GRIA4: variants seen among roughly 807,000 people sequenced by gnomAD.
GRIA4 encodes glutamate receptor 4.
A neutral mutation model predicts 104.0 loss-of-function variants in GRIA4; 34 were observed. The ratio of observed to expected loss-of-function variants is 0.33; its 90% confidence interval spans 0.25 to 0.44. The LOEUF is 0.44. Ranked by LOEUF, GRIA4 falls within the 20% of genes least tolerant of loss-of-function variation. GRIA4 has a pLI of 1.00. For synonymous variants in GRIA4, 386 were observed against 381.9 expected (o/e 1.01, Z -0.13); for missense variants, 750 against 1,096.5 (o/e 0.68, Z 4.46).
At chr11:105,903,108 A>T (rs1306746505) in intron 7 of GRIA4, among the ~76,000 whole-genome samples, 2 of 152,176 alleles carry the variant, frequency 1.3e-5, no homozygotes, top group African/African-American at 4.8e-5. Flanking sequence ...TACCCTTCAC[A>T]TCTCCACTTG....
At chr11:105,683,941 C>T (rs958629309) in intron 3 of GRIA4, among the ~76,000 whole-genome samples, 1 of 151,930 alleles carries the variant, frequency 6.6e-6, no homozygotes, top group Admixed American at 6.6e-5. Context: ...ATGGCGCCAT[C>T]TCGGCTCACT....
chr11:105,957,681 A>G (rs1367090541), intron 14 of GRIA4, among the ~76,000 whole-genome samples: 8 of 152,204 alleles, frequency 5.3e-5, no homozygotes, highest in Non-Finnish European at 1.2e-4. Flanking sequence ...GATGGCATTG[A>G]ATCTATAAAT....
intron 3 of GRIA4, among the ~76,000 whole-genome samples, chr11:105,741,646 T>C (rs371503904): frequency 1.4e-3 from 217 of 152,246 alleles, no homozygotes; most frequent in African/African-American, 4.7e-3. Context: ...AATTATTCCC[T>C]TTGGTCACCA....
intron 3 of GRIA4, among the ~76,000 whole-genome samples, chr11:105,672,852 T>G (rs551332502): frequency 2.8e-4 from 43 of 152,280 alleles, no homozygotes; most frequent in African/African-American, 1.0e-3. Context: ...TTTACCAATC[T>G]AAAATTACAG....
rs575588991 is a variant in GRIA4, at chr11:105,886,701, T to C, written c.673-818T>C. 3.7e-4 allele frequency among the ~76,000 whole-genome samples: 57 copies of C among 152,312 alleles called. No individual in the cohort carries two copies. The South Asian group carries it at 8.1e-3, about 22-fold the overall frequency. The stretch of plus-strand genomic sequence containing the variant: ...AAAATTGTGGCTTTCACTGTTATCA[T>C]TGACGACACCAGTGAAGTTACAAAG... On this transcript the variant is annotated intron_variant, in intron 5 of 16. Coordinates refer to ENST00000282499, the MANE Select transcript of GRIA4 (RefSeq NM_000829.4).
intron 3 of GRIA4, among the ~76,000 whole-genome samples, chr11:105,747,989 C>A (rs1162611709): frequency 6.6e-6 from 1 of 152,128 alleles, no homozygotes; most frequent in Admixed American, 6.5e-5. Context: ...TGTGGGTAGG[C>A]ACACTCCTTA....
Position 105,898,373 on chromosome 11 carries a change from T to A in GRIA4, c.831T>A (p.Asp277Glu), listed in dbSNP as rs779194677. Residue 277 changes from aspartate to glutamate, a missense_variant, in exon 7 of 17, where the codon GAT becomes GAA. Asp to Glu is a conservative substitution (Grantham distance 45). This residue lies in a region of GRIA4 where 410 missense variants were observed against 502.7 expected (regional missense o/e 0.82). Coordinates refer to ENST00000282499, the MANE Select transcript of GRIA4 (RefSeq NM_000829.4). ...CACCTATGGTAATCAAACTAATGGA[T>A]CGCTGGAAGAAACTAGATCAGAGAG... ...FNTPMVIKLM[D>E]RWKKLDQREY... 14 of 1,595,100 alleles carry A rather than the reference T, an allele frequency of 8.8e-6. No homozygotes were observed. In the South Asian group the frequency reaches 8.8e-5, roughly 10 times the overall value.
intron 4 of GRIA4, among the ~76,000 whole-genome samples, chr11:105,767,208 T>C (rs1407746926): frequency 1.3e-5 from 2 of 151,940 alleles, no homozygotes; most frequent in African/African-American, 4.8e-5. Flanking sequence ...CACTGAATAG[T>C]TATGGGGGAG....
rs544360756 is a variant in GRIA4 at position 105,837,738 on chromosome 11, T to C, written c.488-24286T>C. 8.5e-5 allele frequency among the ~76,000 whole-genome samples: 13 copies of C among 152,290 alleles called. No individual in the cohort carries two copies. The South Asian group carries it at 2.7e-3, about 32-fold the overall frequency. On this transcript the variant is annotated intron_variant, in intron 4 of 16. Transcript: ENST00000282499. ...TTTTAAATCAAGAATTCCTGAATTTTCCATGATTTTAAAAATTCTATTATT... is the reference window on the plus strand; with the variant it reads ...TTTTAAATCAAGAATTCCTGAATTTCCCATGATTTTAAAAATTCTATTATT...
At chr11:105,945,639 T>C (rs1948288154) in intron 14 of GRIA4, 2 of 157,328 alleles carry the variant, frequency 1.3e-5, no homozygotes, top group African/African-American at 2.4e-5. Context: ...AGCTTGCCAC[T>C]TGTGCGTAAT....
chr11:105,702,023 C>T (rs949125575), intron 3 of GRIA4, among the ~76,000 whole-genome samples: 4 of 152,072 alleles, frequency 2.6e-5, no homozygotes, highest in Non-Finnish European at 4.4e-5. Flanking sequence ...CAGCTTTGAA[C>T]TCCTAGGCTC....
chr11:105,800,357 T>A (rs1362098356), intron 4 of GRIA4, among the ~76,000 whole-genome samples: 1 of 152,082 alleles, frequency 6.6e-6, no homozygotes, highest in Non-Finnish European at 1.5e-5. Context: ...TTTAGCAAGT[T>A]ATATTTTCTA....
chr11:105,879,353 C>T (rs758492831), intron 5 of GRIA4, among the ~76,000 whole-genome samples: 4 of 152,058 alleles, frequency 2.6e-5, no homozygotes, highest in Non-Finnish European at 4.4e-5. Context: ...TGCCCAGGTC[C>T]CCGGTAGTTT....
intron 4 of GRIA4, among the ~76,000 whole-genome samples, chr11:105,787,578 C>G (rs1942027924): frequency 7.0e-6 from 1 of 142,122 alleles, no homozygotes; most frequent in African/African-American, 2.6e-5. Context: ...TGGGTTCAAG[C>G]AATTCTCCCA....
intron 3 of GRIA4, among the ~76,000 whole-genome samples, chr11:105,667,109 C>A (rs886477810): frequency 1.3e-5 from 2 of 151,858 alleles, no homozygotes; most frequent in African/African-American, 4.8e-5. Context: ...ATTCTGTGGA[C>A]AAGATAATTC....
Position 105,974,447 on chromosome 11 carries a change from G to A in GRIA4, c.2544+3G>A. 6.2e-7 allele frequency: 1 copy of A among 1,613,938 alleles called. No individual in the cohort carries two copies. Among genetic ancestry groups the A allele is most frequent in the Non-Finnish European group, 8.5e-7 (1 of 1,179,880 alleles). ...GGGCAGAAGCGAAGAGAATGAAGGT[G>A]GCAAAGAGTGCACAGACTTTTAACC... On this transcript the variant is annotated splice_donor_region_variant and intron_variant, in intron 16 of 16. Coordinates refer to ENST00000282499, the MANE Select transcript of GRIA4 (RefSeq NM_000829.4).
In GRIA4 at chr11:105,979,946, G is replaced by A. The variant is rs1226261518; in HGVS notation, c.*207G>A. 5.4e-6 allele frequency: 2 copies of A among 367,818 alleles called. No homozygotes were observed. The highest frequency in any genetic ancestry group is 1.0e-5 in the Non-Finnish European group (2 of 195,520). The allele number at this position is 367,818 out of a possible 1,614,324, so 22.8% of individuals were successfully genotyped here. On this transcript the variant is annotated 3_prime_UTR_variant, in exon 17 of 17. Coordinates refer to ENST00000282499, the MANE Select transcript of GRIA4 (RefSeq NM_000829.4). ...AACCCAAACTCAGATTTTATATCAG[G>A]AAAACTCACAATTGAGGTTTTTTTC...
At chr11:105,712,712 T>G (rs1454268263) in intron 3 of GRIA4, among the ~76,000 whole-genome samples, 3 of 105,166 alleles carry the variant, frequency 2.9e-5, no homozygotes, top group African/African-American at 6.8e-5. Flanking sequence ...TTTTGCTTTG[T>G]TTTTGTTTTT....
intron 3 of GRIA4, among the ~76,000 whole-genome samples, chr11:105,692,050 G>A (rs1415591102): frequency 1.3e-5 from 2 of 151,494 alleles, no homozygotes; most frequent in African/African-American, 4.9e-5. Context: ...GAACCCCATA[G>A]TGGTGACCTA....
Sources: gnomAD v4.1 joint callset for allele counts (sites outside exome capture counted in the v4.1 genomes callset) on GRCh38, gnomAD v4.1.1 for gene constraint, gnomAD v4.1.1 regional missense constraint, MANE v1.5 for transcripts, NCBI Gene and HGNC (gene_info 2026-07-23, HGNC 2026-07-21) for gene names.